Variants in CPT1A observed in about 807,000 individuals in gnomAD.
CPT1A encodes carnitine O-palmitoyltransferase 1, liver isoform.
Under a neutral mutation model 100.8 loss-of-function variants are expected in CPT1A, and 64 were observed. The ratio of observed to expected loss-of-function variants is 0.63; its 90% confidence interval spans 0.52 to 0.78. The LOEUF (loss-of-function observed/expected upper bound fraction) is 0.78. Among genes scored for constraint, CPT1A ranks in the 30% least tolerant of loss-of-function variants. The probability of loss-of-function intolerance (pLI) is 0.00; values close to 1 mark genes in which losing one functional copy is unlikely to be tolerated. For synonymous variants in CPT1A, 363 were observed against 396.0 expected (o/e 0.92, Z 0.99); for missense variants, 802 against 1,034.1 (o/e 0.78, Z 3.08).
Position 68,841,720 on chromosome 11 carries a change from C to T in CPT1A, c.-14+55G>A. 7.7e-6 allele frequency: 7 copies of T among 909,394 alleles called. No homozygotes were observed. Among genetic ancestry groups the T allele is most frequent in the Non-Finnish European group, 6.6e-6 (5 of 760,254 alleles). The allele number at this position is 909,394 out of a possible 1,614,324, so 56.3% of individuals were successfully genotyped here. A position where few individuals can be genotyped will look rare whatever the true frequency, so the allele number is the denominator to read the frequency against. On this transcript the variant is annotated intron_variant, in intron 1 of 18. Transcript: ENST00000265641. The surrounding 1 kb of genome is among the most constrained non-coding windows in gnomAD (Gnocchi z 6.3). The stretch of plus-strand genomic sequence containing the variant: ...CCGCGCCCCGCCCGTCCCCGGCCCC[C>T]GCAGCCCGCAGGGCCGCCCCGCCAC...
rs1463245066 is a variant in CPT1A, at chr11:68,807,766, G to A, written c.282-128C>T. 3.5e-6 allele frequency: 3 copies of A among 859,940 alleles called. No individual in the cohort carries two copies. In the East Asian group the frequency reaches 7.9e-5, roughly 23 times the overall value. 53.3% of individuals were successfully genotyped at this position (859,940 alleles called of 1,614,324 possible). On this transcript the variant is annotated intron_variant, in intron 3 of 18. Coordinates refer to ENST00000265641, the MANE Select transcript of CPT1A (RefSeq NM_001876.4). ...GCCTGCCCCAGGTACAGCCGGGAAAGTCAGAGGGAGAGCACTTGCAGGAAC... is the reference window on the plus strand; with the variant it reads ...GCCTGCCCCAGGTACAGCCGGGAAAATCAGAGGGAGAGCACTTGCAGGAAC...
At chr11:68,830,768 T>C (rs1460199933) in intron 1 of CPT1A, among the ~76,000 whole-genome samples, 1 of 152,186 alleles carries the variant, frequency 6.6e-6, no homozygotes, top group African/African-American at 2.4e-5. Context: ...ATACTTAGCT[T>C]AAAGCTCCCA....
At chr11:68,842,571 A>G (rs1171488202), upstream of CPT1A, among the ~76,000 whole-genome samples, 1 of 152,206 alleles carries the variant, frequency 6.6e-6, no homozygotes, top group Admixed American at 6.5e-5. Flanking sequence ...GCTCCTCCTC[A>G]TCTAGCTAGG....
chr11:68,812,031 T>G (rs1213071680), intron 3 of CPT1A, among the ~76,000 whole-genome samples: 1 of 152,130 alleles, frequency 6.6e-6, no homozygotes, highest in Non-Finnish European at 1.5e-5. Flanking sequence ...AGCAGTCAGT[T>G]CAAGGGTCAC....
At chr11:68,805,735 T>C (rs79786568) in intron 4 of CPT1A, among the ~76,000 whole-genome samples, 3,294 of 152,314 alleles carry the variant, frequency 0.022, 97 homozygotes, top group African/African-American at 0.07. Context: ...AATGTTTCCA[T>C]GATGACCTGG....
intron 14 of CPT1A, among the ~76,000 whole-genome samples, chr11:68,770,809 G>A (rs1040639186): frequency 3.3e-5 from 5 of 152,262 alleles, no homozygotes; most frequent in East Asian, 1.9e-4. Context: ...CCATTCATGC[G>A]GGAAGCTGGT....
intron 3 of CPT1A, 43 bp from the exon 4 acceptor site, chr11:68,807,681 A>G: frequency 6.3e-7 from 1 of 1,599,666 alleles, no homozygotes; most frequent in Non-Finnish European, 8.6e-7. Context: ...GCGTGAGGCC[A>G]CACGGTGCCA....
rs779148262 is a variant in CPT1A, at chr11:68,784,875, T to C, written c.1103A>G (p.Asp368Gly). 6 of 1,613,920 alleles carry C rather than the reference T, an allele frequency of 3.7e-6. No homozygotes were observed. The highest frequency in any genetic ancestry group is 3.3e-5 in the South Asian group (3 of 91,086). ...CCCGGGCTGAGGCTCCGAGGTATTG[T>C]CCAGGATCCTCTGCATCTGCTGCTC... ...EMEQQMQRIL[D>G]NTSEPQPGEA... The change falls in exon 10 of 19, where the codon GAC becomes GGC. Residue 368 changes from aspartate to glycine, a missense_variant. This residue lies in a region of CPT1A where 627 missense variants were observed against 799.3 expected (regional missense o/e 0.78). Coordinates refer to ENST00000265641, the MANE Select transcript of CPT1A (RefSeq NM_001876.4).
chr11:68,796,438 C>T (rs565783347), intron 7 of CPT1A, among the ~76,000 whole-genome samples: 1 of 152,164 alleles, frequency 6.6e-6, no homozygotes, highest in Admixed American at 6.5e-5. Flanking sequence ...CACCTGTAAT[C>T]CCAGCTACTT....
intron 12 of CPT1A, among the ~76,000 whole-genome samples, chr11:68,776,933 A>G (rs1156689282): frequency 1.3e-5 from 2 of 152,210 alleles, no homozygotes; most frequent in South Asian, 2.1e-4. Flanking sequence ...GGAAGCTTAC[A>G]TTCTAGTGAG....
chr11:68,795,245 A>G (rs1855725241), intron 7 of CPT1A, among the ~76,000 whole-genome samples: 1 of 152,232 alleles, frequency 6.6e-6, no homozygotes, highest in South Asian at 2.1e-4. Flanking sequence ...ATGAGACACA[A>G]TGAAAGGTTA....
At chr11:68,824,013 G>A (rs1390400286) in intron 1 of CPT1A, among the ~76,000 whole-genome samples, 13 of 152,146 alleles carry the variant, frequency 8.5e-5, no homozygotes, top group African/African-American at 3.1e-4. Flanking sequence ...TTGGGAGGCC[G>A]AGGTGGGCAG....
At chr11:68,784,742 TG>T in intron 10 of CPT1A, 72 bp downstream of exon 10, 1 of 1,439,932 alleles carries the variant, frequency 6.9e-7, no homozygotes, top group Non-Finnish European at 9.6e-7. Flanking sequence ...CAGGCCCTGG[TG>T]GGGATGGGCC....
intron 1 of CPT1A, among the ~76,000 whole-genome samples, chr11:68,825,854 CCT>C (rs1405212212): frequency 1.3e-5 from 2 of 152,174 alleles, no homozygotes; most frequent in Non-Finnish European, 2.9e-5. Context: ...GCTTCTCCCA[CCT>C]CTGAGTCACC....
At chr11:68,803,946 A>G in intron 5 of CPT1A, 54 bp downstream of exon 5, 2 of 1,364,672 alleles carry the variant, frequency 1.5e-6, no homozygotes, top group East Asian at 2.3e-5. Context: ...TTAAGACCTA[A>G]GCCTTAATCC....
At chr11:68,795,291 T>G (rs562063953) in intron 7 of CPT1A, among the ~76,000 whole-genome samples, 1 of 152,316 alleles carries the variant, frequency 6.6e-6, no homozygotes, top group African/African-American at 2.4e-5. Context: ...CCTGCAGCTT[T>G]CTAAATTTTG....
At chr11:68,757,795 T>C in intron 18 of CPT1A, 65 bp from the exon 19 acceptor site, 1 of 1,345,658 alleles carries the variant, frequency 7.4e-7, no homozygotes, top group Non-Finnish European at 1.1e-6. Context: ...TTCAAGCTTT[T>C]TCATTTGCAA....
At chr11:68,790,753 G>C (rs1256512976) in intron 9 of CPT1A, among the ~76,000 whole-genome samples, 1 of 152,196 alleles carries the variant, frequency 6.6e-6, no homozygotes, top group African/African-American at 2.4e-5. Context: ...CAGAATGGCT[G>C]TCCAGGTACA....
chr11:68,820,299 C>T (rs1354382585), intron 1 of CPT1A, among the ~76,000 whole-genome samples: 2 of 152,044 alleles, frequency 1.3e-5, no homozygotes, highest in African/African-American at 2.4e-5. Flanking sequence ...CCCAAAGTAC[C>T]GGGATTACAG....
Sources: gnomAD v4.1 joint callset for allele counts (sites outside exome capture counted in the v4.1 genomes callset) on GRCh38, gnomAD v4.1.1 for gene constraint, gnomAD v4.1.1 regional missense constraint, Gnocchi (gnomAD v3.1) non-coding constraint, MANE v1.5 for transcripts, NCBI Gene and HGNC (gene_info 2026-07-23, HGNC 2026-07-21) for gene names.